SLIT3: variants seen among roughly 807,000 people sequenced by gnomAD.
SLIT3 encodes the protein slit guidance ligand 3.
A neutral mutation model predicts 184.0 loss-of-function variants in SLIT3; 68 were observed. That is an observed-to-expected ratio of 0.37 (90% CI 0.30 to 0.45). The LOEUF is 0.45. SLIT3 is among the 20% of genes least tolerant of loss of function. The pLI, the probability that SLIT3 is intolerant of heterozygous loss-of-function variation, is 1.00. For synonymous variants in SLIT3, 831 were observed against 828.6 expected, an observed-to-expected ratio of 1.00 and a Z score of -0.05; for missense variants, 1,707 against 2,026.0, an observed-to-expected ratio of 0.84 and a Z score of 3.02.
At chr5:168,938,520 C>T (rs1043072019) in intron 4 of SLIT3, among the ~76,000 whole-genome samples, 6 of 152,188 alleles carry the variant, frequency 3.9e-5, no homozygotes, top group African/African-American at 1.4e-4. Flanking sequence ...AGAACAAATA[C>T]TGATACATGG....
chr5:169,240,579 C>CTTTTTTTTTTTTTTT (rs67955225), intron 3 of SLIT3, among the ~76,000 whole-genome samples: 5 of 114,352 alleles, frequency 4.4e-5, no homozygotes, highest in Non-Finnish European at 5.3e-5. Context: ...CTATCATTTT[C>CTTTTTTTTTTTTTTT]TTTTTTTTTT....
At chr5:169,225,422 GCA>G (rs1764769498) in intron 3 of SLIT3, among the ~76,000 whole-genome samples, 1 of 152,254 alleles carries the variant, frequency 6.6e-6, no homozygotes, top group Non-Finnish European at 1.5e-5. Flanking sequence ...GGATTCCAAA[GCA>G]GGACGCTGCT....
intron 4 of SLIT3, among the ~76,000 whole-genome samples, chr5:169,164,029 A>G (rs1003921487): frequency 1.4e-4 from 22 of 152,202 alleles, no homozygotes; most frequent in Admixed American, 1.3e-3. Flanking sequence ...GAGCTATGAC[A>G]GACTCCAACC....
At chr5:169,136,920 C>T (rs1231862973) in intron 4 of SLIT3, among the ~76,000 whole-genome samples, 9 of 152,114 alleles carry the variant, frequency 5.9e-5, no homozygotes, top group Admixed American at 5.9e-4. Flanking sequence ...TGGGGTCTCC[C>T]TATTTTGCCC....
At chr5:169,267,275 T>C (rs1246102164) in intron 1 of SLIT3, among the ~76,000 whole-genome samples, 1 of 152,068 alleles carries the variant, frequency 6.6e-6, no homozygotes, top group East Asian at 1.9e-4. Context: ...AAATATAGAG[T>C]CCTAAAGGGT....
At chr5:169,037,023 C>A (rs1419311832) in intron 4 of SLIT3, among the ~76,000 whole-genome samples, 1 of 152,172 alleles carries the variant, frequency 6.6e-6, no homozygotes, top group African/African-American at 2.4e-5. Flanking sequence ...AGGTGTGGGA[C>A]AAACCACTGC....
chr5:168,933,352 G>A (rs1211180363), intron 4 of SLIT3, among the ~76,000 whole-genome samples: 1 of 152,086 alleles, frequency 6.6e-6, no homozygotes, highest in Non-Finnish European at 1.5e-5. Context: ...GACCATCCTA[G>A]CCAACATGGT....
chr5:169,243,546 C>A (rs1247156100), intron 3 of SLIT3, among the ~76,000 whole-genome samples: 1 of 152,210 alleles, frequency 6.6e-6, no homozygotes, highest in South Asian at 2.1e-4. Flanking sequence ...ACGGTTCACA[C>A]AACAGAGAGG....
chr5:168,749,446 C>A, intron 19 of SLIT3, 26 bp downstream of exon 19: 1 of 1,613,426 alleles, frequency 6.2e-7, no homozygotes, highest in Non-Finnish European at 8.5e-7. Context: ...GCCTTCCCCG[C>A]AGACCTTGAC....
chr5:168,882,641 A>G (rs2113788566), intron 5 of SLIT3, among the ~76,000 whole-genome samples: 1 of 152,270 alleles, frequency 6.6e-6, no homozygotes. Context: ...ATTGGAGGAA[A>G]CTAGTATACG....
chr5:168,990,982 T>A (rs1755303960), intron 4 of SLIT3, among the ~76,000 whole-genome samples: 1 of 152,154 alleles, frequency 6.6e-6, no homozygotes, highest in African/African-American at 2.4e-5. Flanking sequence ...ACTGTCACCT[T>A]GTGGGATGGG....
At chr5:168,773,835 C>T (rs1055078736) in intron 13 of SLIT3, among the ~76,000 whole-genome samples, 1 of 152,254 alleles carries the variant, frequency 6.6e-6, no homozygotes, top group Non-Finnish European at 1.5e-5. Context: ...GGAGTCTGCT[C>T]AGAATACAGT....
intron 4 of SLIT3, among the ~76,000 whole-genome samples, chr5:169,045,080 T>C (rs904004152): frequency 3.9e-5 from 6 of 152,220 alleles, no homozygotes; most frequent in Non-Finnish European, 5.9e-5. Flanking sequence ...ATAGAAGAAC[T>C]TCAAGTATTC....
chr5:168,934,538 G>C (rs1762091319), intron 4 of SLIT3, among the ~76,000 whole-genome samples: 1 of 152,178 alleles, frequency 6.6e-6, no homozygotes, highest in Non-Finnish European at 1.5e-5. Flanking sequence ...GAAGAGACAG[G>C]CTGATACCAC....
chr5:169,019,571 A>G (rs897926830), intron 4 of SLIT3, among the ~76,000 whole-genome samples: 1 of 152,310 alleles, frequency 6.6e-6, no homozygotes, highest in African/African-American at 2.4e-5. Flanking sequence ...AAGTAGTTAC[A>G]TCCACAAATG....
At chr5:169,221,776 A>G (rs532328726) in intron 3 of SLIT3, among the ~76,000 whole-genome samples, 2 of 152,306 alleles carry the variant, frequency 1.3e-5, no homozygotes, top group East Asian at 3.9e-4. Context: ...TCCAATGCCA[A>G]TGCACAGAGT....
chr5:169,166,376 A>C (rs2113405327), intron 4 of SLIT3, among the ~76,000 whole-genome samples: 1 of 152,342 alleles, frequency 6.6e-6, no homozygotes, highest in Non-Finnish European at 1.5e-5. Flanking sequence ...CATGAGAGCC[A>C]TATTACAGTT....
intron 9 of SLIT3, among the ~76,000 whole-genome samples, chr5:168,800,959 C>G (rs184916969): frequency 6.5e-5 from 8 of 123,762 alleles, no homozygotes; most frequent in Admixed American, 6.0e-4. Flanking sequence ...AAACAGTTCT[C>G]CATGTTATGT....
intron 4 of SLIT3, among the ~76,000 whole-genome samples, chr5:168,924,426 C>T (rs1235189018): frequency 1.3e-5 from 2 of 152,056 alleles, no homozygotes; most frequent in African/African-American, 2.4e-5. Context: ...GAGTCCAAAT[C>T]GACCACTTAC....
Sources: allele counts gnomAD v4.1 joint callset (sites outside exome capture counted in the v4.1 genomes callset), GRCh38; gene constraint gnomAD v4.1.1; transcripts MANE v1.5; gene names NCBI Gene and HGNC (gene_info 2026-07-23, HGNC 2026-07-21).